SHROOM2: variants seen among roughly 807,000 people sequenced by gnomAD.
SHROOM2 encodes the protein shroom family member 2.
Under a neutral mutation model 75.9 loss-of-function variants are expected in SHROOM2, and 33 were observed. The ratio of observed to expected loss-of-function variants is 0.43; its 90% CI spans 0.33 to 0.58. The LOEUF is 0.58. Among genes scored for constraint, SHROOM2 ranks in the 20% least tolerant of loss-of-function variants. The pLI, the probability that SHROOM2 is intolerant of heterozygous loss-of-function variation, is 0.04. For missense variants in SHROOM2, 1,434 were observed against 1,461.2 expected, an observed-to-expected ratio of 0.98 and a Z score of 0.30; for synonymous variants, 655 against 663.6, an observed-to-expected ratio of 0.99 and a Z score of 0.20.
At chrX:9,808,554 A>C (rs66761349) in intron 1 of SHROOM2, among the ~76,000 whole-genome samples, 6,999 of 109,393 alleles carry the variant, frequency 0.064, 208 homozygotes, top group East Asian at 0.12. Context: ...GTCTCAAAAA[A>C]TTTTTTTAAA....
chrX:9,795,828 A>G (rs2146726406), intron 1 of SHROOM2, among the ~76,000 whole-genome samples: 1 of 110,204 alleles, frequency 9.1e-6, no homozygotes. Context: ...TTGAAAAGTA[A>G]TGGGAAGTCT....
At chrX:9,859,394 C>T (rs922423757) in intron 1 of SHROOM2, among the ~76,000 whole-genome samples, 2 of 112,241 alleles carry the variant, frequency 1.8e-5, no homozygotes, top group African/African-American at 6.5e-5. Flanking sequence ...AGGGAAGAAA[C>T]AGATATCATT....
At chrX:9,819,224 T>C in intron 1 of SHROOM2, 1 of 919,248 alleles carries the variant, frequency 1.1e-6, no homozygotes, top group Non-Finnish European at 1.5e-6. Flanking sequence ...GAACAAATTT[T>C]TTAATGAGTC....
chrX:9,808,639 A>T (rs1392652624), intron 1 of SHROOM2, among the ~76,000 whole-genome samples: 2 of 107,533 alleles, frequency 1.9e-5, no homozygotes, highest in Non-Finnish European at 4.0e-5. Context: ...AGGTGGGTGG[A>T]TCACCTGAGG....
At chrX:9,903,939 G>T (rs980391490) in intron 5 of SHROOM2, among the ~76,000 whole-genome samples, 5 of 110,701 alleles carry the variant, frequency 4.5e-5, no homozygotes, top group African/African-American at 1.6e-4. Flanking sequence ...GCGGCCACCC[G>T]TTTGTTTACT....
chrX:9,839,433 C>T (rs886913168), intron 1 of SHROOM2, among the ~76,000 whole-genome samples: 1 of 111,097 alleles, frequency 9.0e-6, no homozygotes, highest in Non-Finnish European at 1.9e-5. Flanking sequence ...AGAGAGCTCC[C>T]GCCTCCATGA....
chrX:9,937,700 C>T lies in SHROOM2; in HGVS notation c.4139+15C>T. 2 of 1,143,395 alleles carry T rather than the reference C, an allele frequency of 1.7e-6. No individual in the cohort carries two copies. The highest frequency in any genetic ancestry group is 2.1e-5 in the South Asian group (1 of 47,505). The allele number at this position is 1,143,395 out of a possible 1,213,427, so 94.2% of individuals were successfully genotyped here. ...ACAGAGGAGAGGTGAGTAGGCGTGG[C>T]CTCCCAGCTTGGGCGTGACTCTGCC... On this transcript the variant is annotated intron_variant, in intron 7 of 9. Coordinates refer to ENST00000380913, the MANE Select transcript of SHROOM2 (RefSeq NM_001649.4).
chrX:9,853,847 AT>A (rs1333762981), intron 1 of SHROOM2, among the ~76,000 whole-genome samples: 2 of 112,576 alleles, frequency 1.8e-5, no homozygotes, highest in African/African-American at 3.2e-5. Flanking sequence ...AAGTGCTCAC[AT>A]GGTAGCATAG....
At chrX:9,878,459 G>A (rs5933778) in intron 2 of SHROOM2, among the ~76,000 whole-genome samples, 60,549 of 111,168 alleles carry the variant, frequency 0.54, 14,399 homozygotes, top group Non-Finnish European at 0.76. Flanking sequence ...TTGAAGAGAA[G>A]AGGCTGCATG....
intron 1 of SHROOM2, among the ~76,000 whole-genome samples, chrX:9,807,618 C>G (rs764094500): frequency 1.8e-5 from 2 of 112,449 alleles, no homozygotes; most frequent in Non-Finnish European, 3.8e-5. Context: ...GCCTGCTGGT[C>G]TAGGCCGTAA....
At chrX:9,939,672 G>A (rs762050373) in intron 8 of SHROOM2, among the ~76,000 whole-genome samples, 3 of 112,440 alleles carry the variant, frequency 2.7e-5, no homozygotes, top group African/African-American at 9.7e-5. Context: ...ACAGGGTCTT[G>A]CTCTGTCGTG....
chrX:9,824,262 C>G (rs772274601), intron 1 of SHROOM2, among the ~76,000 whole-genome samples: 2 of 107,656 alleles, frequency 1.9e-5, no homozygotes, highest in Non-Finnish European at 3.8e-5. Context: ...GGAGAAACCT[C>G]GCCTCTACTA....
chrX:9,929,277 G>A (rs2084624791), intron 5 of SHROOM2, among the ~76,000 whole-genome samples: 1 of 111,152 alleles, frequency 9.0e-6, no homozygotes, highest in Non-Finnish European at 1.9e-5. Flanking sequence ...ACTTTGCAAG[G>A]TGGGGGTGGG....
At chrX:9,837,218 C>G (rs2083951473) in intron 1 of SHROOM2, among the ~76,000 whole-genome samples, 1 of 112,548 alleles carries the variant, frequency 8.9e-6, no homozygotes, top group Non-Finnish European at 1.9e-5. Flanking sequence ...AAGTGACCAG[C>G]TTTGTGGTTT....
intron 1 of SHROOM2, among the ~76,000 whole-genome samples, chrX:9,787,384 C>T (rs937431327): frequency 4.5e-5 from 5 of 111,972 alleles, no homozygotes; most frequent in Non-Finnish European, 7.5e-5. Context: ...ATTTTATTGT[C>T]TCAAAACAAA....
chrX:9,863,226 G>A (rs1043337523), intron 1 of SHROOM2, among the ~76,000 whole-genome samples: 14 of 111,303 alleles, frequency 1.3e-4, no homozygotes, highest in African/African-American at 4.3e-4. Context: ...CTTGCCTTCC[G>A]TTGCTCTGTA....
At chrX:9,826,295 C>T (rs1202093169) in intron 1 of SHROOM2, among the ~76,000 whole-genome samples, 1 of 112,434 alleles carries the variant, frequency 8.9e-6, no homozygotes, top group African/African-American at 3.2e-5. Context: ...CTGGCCTCCA[C>T]GCCTCACTGC....
At chrX:9,897,555 CAAAAAA>C (rs1235925336) in intron 4 of SHROOM2, among the ~76,000 whole-genome samples, 1 of 16,835 alleles carries the variant, frequency 5.9e-5, no homozygotes, top group African/African-American at 2.5e-4. Flanking sequence ...CTTATCTCTA[CAAAAAA>C]AAAAAAAAGA....
chrX:9,879,277 A>G (rs1018498054), intron 2 of SHROOM2, among the ~76,000 whole-genome samples: 1 of 109,306 alleles, frequency 9.1e-6, no homozygotes, highest in African/African-American at 3.3e-5. Flanking sequence ...TATTTTTTCT[A>G]TTTTTTTGAG....
Sources: gnomAD v4.1 joint callset for allele counts (sites outside exome capture counted in the v4.1 genomes callset) on GRCh38, gnomAD v4.1.1 for gene constraint, MANE v1.5 for transcripts, NCBI Gene and HGNC (gene_info 2026-07-23, HGNC 2026-07-21) for gene names.